The following NALF1 variants were observed in gnomAD, a reference collection of about 807,000 sequenced individuals.
The protein encoded by NALF1 is family with sequence similarity 155 member A.
In NALF1, 3 loss-of-function variants were observed where a neutral mutation model predicts 48.4. The observed-to-expected ratio is 0.06, with a 90% confidence interval of 0.03 to 0.16. The LOEUF is 0.16. Ranked by LOEUF, NALF1 falls within the 10% of genes least tolerant of loss-of-function variation. The probability of loss-of-function intolerance (pLI) is 1.00; values close to 1 mark genes in which losing one functional copy is unlikely to be tolerated. For missense variants in NALF1, 526 were observed against 571.5 expected (o/e 0.92, Z 0.81); for synonymous variants, 262 against 245.7 (o/e 1.07, Z -0.62).
intron 1 of NALF1, among the ~76,000 whole-genome samples, chr13:107,821,335 T>C (rs1303125718): frequency 6.6e-6 from 1 of 152,220 alleles, no homozygotes; most frequent in Non-Finnish European, 1.5e-5. Flanking sequence ...TAATGATTCC[T>C]ACAGTTATAT....
intron 1 of NALF1, among the ~76,000 whole-genome samples, chr13:107,363,098 C>T (rs1428080254): frequency 6.6e-6 from 1 of 152,130 alleles, no homozygotes; most frequent in Non-Finnish European, 1.5e-5. Flanking sequence ...GTTTCAAAAT[C>T]CTTAAGTCAA....
In NALF1 at chr13:107,846,228, T is replaced by G. The variant is rs541973182; in HGVS notation, c.915+19454A>C. ...AGCTAGATTTTTCAAAAACAGAGTA[T>G]GGCCCTGTGTCTTTTTTCTTCCGCC... On this transcript the variant is annotated intron_variant, in intron 1 of 2. Transcript: ENST00000375915. Among the ~76,000 whole-genome samples, 4 of 152,286 alleles carry G rather than the reference T, an allele frequency of 2.6e-5. No homozygotes were observed. The East Asian group carries it at 5.8e-4, about 22-fold the overall frequency.
intron 1 of NALF1, among the ~76,000 whole-genome samples, chr13:107,849,226 T>C (rs978293021): frequency 6.6e-6 from 1 of 152,184 alleles, no homozygotes; most frequent in Non-Finnish European, 1.5e-5. Context: ...TTTAAAACAT[T>C]TGCTGTGAGT....
intron 1 of NALF1, among the ~76,000 whole-genome samples, chr13:107,386,232 T>A (rs571978741): frequency 2.0e-5 from 3 of 152,212 alleles, no homozygotes; most frequent in Non-Finnish European, 4.4e-5. Flanking sequence ...TCTTTTCCTA[T>A]AAGTTACATT....
At chr13:107,427,689 A>C (rs1202551870) in intron 1 of NALF1, among the ~76,000 whole-genome samples, 1 of 152,154 alleles carries the variant, frequency 6.6e-6, no homozygotes, top group Non-Finnish European at 1.5e-5. Context: ...TTTCTCTTCA[A>C]GTTTGTTCAG....
intron 1 of NALF1, among the ~76,000 whole-genome samples, chr13:107,630,298 G>A (rs1275061367): frequency 6.6e-6 from 1 of 152,102 alleles, no homozygotes; most frequent in Non-Finnish European, 1.5e-5. Flanking sequence ...ATTCCAGGCA[G>A]CATTCTTGTT....
chr13:107,176,962 T>C (rs967156935), intron 2 of NALF1, among the ~76,000 whole-genome samples: 5 of 151,954 alleles, frequency 3.3e-5, no homozygotes, highest in East Asian at 3.9e-4. Context: ...CATAATTTCA[T>C]ATATGGGAAA....
chr13:107,834,138 C>T (rs138684894), intron 1 of NALF1, among the ~76,000 whole-genome samples: 111 of 152,184 alleles, frequency 7.3e-4, no homozygotes, highest in African/African-American at 2.4e-3. Flanking sequence ...GCTTTGTATT[C>T]GGTATTATGA....
intron 2 of NALF1, among the ~76,000 whole-genome samples, chr13:107,178,126 C>A (rs755830227): frequency 2.2e-4 from 33 of 152,050 alleles, no homozygotes; most frequent in Non-Finnish European, 4.4e-4. Context: ...GGGAAAGTCT[C>A]CAGGATGTTG....
chr13:107,306,473 A>C (rs960495338), intron 1 of NALF1, among the ~76,000 whole-genome samples: 2 of 152,166 alleles, frequency 1.3e-5, no homozygotes, highest in Non-Finnish European at 2.9e-5. Flanking sequence ...TGATACTTCA[A>C]TGATTTGCAA....
At position 107,584,183 on chromosome 13, in the gene NALF1, T is replaced by C. The variant is rs9559073; in HGVS notation, c.915+281499A>G. Among the ~76,000 whole-genome samples, 3,775 of 152,148 alleles carry C rather than the reference T, an allele frequency of 0.025. 222 individuals are homozygous for C. In the East Asian group the frequency reaches 0.26, roughly 10 times the overall value. ...ATGCATTTTCTGAAATGAATGAACA[T>C]AGGGAAAAGGAAATTGGTCAAATAA... is the stretch of plus-strand genomic sequence containing the variant. On this transcript the variant is annotated intron_variant, in intron 1 of 2. Coordinates refer to ENST00000375915, the MANE Select transcript of NALF1 (RefSeq NM_001080396.3).
At chr13:107,590,756 G>A (rs2138417223) in intron 1 of NALF1, among the ~76,000 whole-genome samples, 1 of 152,082 alleles carries the variant, frequency 6.6e-6, no homozygotes, top group Middle Eastern at 3.4e-3. Flanking sequence ...GGAAGACGTT[G>A]AGCCTGTGTG....
rs1267277708 is a variant in NALF1 at position 107,866,913 on chromosome 13, AG to A, written c.-318del. The stretch of plus-strand genomic sequence containing the variant: ...GAAACAATAATGGAGAGAGAGAGAG[AG>A]AGAGAGACGGAGGAGGCTGGTGCTG... On this transcript the variant is annotated 5_prime_UTR_variant, in exon 1 of 3. Transcript: ENST00000375915. The surrounding 1 kb of genome is among the most constrained non-coding windows in gnomAD (Gnocchi z 4.4). 6.6e-6 allele frequency among the ~76,000 whole-genome samples: 1 copy of A among 151,980 alleles called. No individual in the cohort carries two copies. The highest frequency in any genetic ancestry group is 1.5e-5 in the Non-Finnish European group (1 of 67,962).
intron 1 of NALF1, among the ~76,000 whole-genome samples, chr13:107,255,127 C>G (rs978226485): frequency 1.6e-4 from 24 of 152,172 alleles, no homozygotes; most frequent in African/African-American, 5.8e-4. Context: ...ATTTCACTTA[C>G]AGACCTGCCA....
At chr13:107,788,874 AT>A (rs1352071772) in intron 1 of NALF1, 1 of 152,206 alleles carries the variant, frequency 6.6e-6, no homozygotes, top group Admixed American at 6.5e-5. Flanking sequence ...GAAAAAAAAA[AT>A]CAACAATATA....
chr13:107,652,852 T>C (rs1467022818), intron 1 of NALF1, among the ~76,000 whole-genome samples: 1 of 152,168 alleles, frequency 6.6e-6, no homozygotes, highest in Non-Finnish European at 1.5e-5. Flanking sequence ...GAATTACTTT[T>C]AGATTATCTC....
At chr13:107,337,737 G>A (rs1470146865) in intron 1 of NALF1, among the ~76,000 whole-genome samples, 1 of 152,178 alleles carries the variant, frequency 6.6e-6, no homozygotes, top group Non-Finnish European at 1.5e-5. Context: ...GATCATGGAT[G>A]TATCATAGCA....
chr13:107,611,826 G>A (rs915299594), intron 1 of NALF1, among the ~76,000 whole-genome samples: 15 of 151,548 alleles, frequency 9.9e-5, no homozygotes. Context: ...GGGAGGCTGG[G>A]TTTGGAGGAT....
intron 1 of NALF1, among the ~76,000 whole-genome samples, chr13:107,515,506 G>C (rs961860022): frequency 2.0e-5 from 3 of 152,166 alleles, no homozygotes; most frequent in African/African-American, 7.2e-5. Flanking sequence ...GCTAACCAGA[G>C]ACCTGCCCCA....
Sources: allele counts gnomAD v4.1 joint callset (sites outside exome capture counted in the v4.1 genomes callset), GRCh38; gene constraint gnomAD v4.1.1; non-coding constraint Gnocchi (gnomAD v3.1); transcripts MANE v1.5; gene names NCBI Gene and HGNC (gene_info 2026-07-23, HGNC 2026-07-21).